Variants in PARP15 observed in about 807,000 individuals in gnomAD.
The protein encoded by PARP15 is protein mono-ADP-ribosyltransferase PARP15.
Under a neutral mutation model 62.1 loss-of-function variants are expected in PARP15, and 50 were observed. That is an observed-to-expected ratio of 0.81 (90% CI 0.64 to 1.02). The LOEUF (loss-of-function observed/expected upper bound fraction) is 1.02, where lower values mean the gene tolerates loss of function less well. Ranked by LOEUF, PARP15 falls within the 50% of genes least tolerant of loss-of-function variation. The probability of loss-of-function intolerance (pLI) is 0.00; values close to 1 mark genes in which losing one functional copy is unlikely to be tolerated. For synonymous variants in PARP15, 309 were observed against 293.1 expected (o/e 1.05, Z -0.55); for missense variants, 820 against 826.5 (o/e 0.99, Z 0.10).
Position 122,636,234 on chromosome 3 carries a change from T to A in PARP15, c.*134T>A. On this transcript the variant is annotated 3_prime_UTR_variant, in exon 12 of 12. Coordinates refer to ENST00000464300, the MANE Select transcript of PARP15 (RefSeq NM_001113523.3). ...GCCAAAATGCTGAAAATTACCTTTT[T>A]AAAGTGCTCTATTGCTGCGATTTGT... 2 of 857,232 alleles carry A rather than the reference T, an allele frequency of 2.3e-6. No individual in the cohort carries two copies. The highest frequency in any genetic ancestry group is 3.5e-6 in the Non-Finnish European group (2 of 569,942). The allele number at this position is 857,232 out of a possible 1,614,324, so 53.1% of individuals were successfully genotyped here.
chr3:122,635,269 G>A, intron 11 of PARP15, 75 bp downstream of exon 11: 1 of 1,385,432 alleles, frequency 7.2e-7, no homozygotes, highest in Non-Finnish European at 9.9e-7. Context: ...CAAGCAGTGT[G>A]GAACCATGGT....
chr3:122,608,534 A>G (rs898903582), intron 2 of PARP15, among the ~76,000 whole-genome samples: 2 of 151,990 alleles, frequency 1.3e-5, no homozygotes, highest in Non-Finnish European at 2.9e-5. Flanking sequence ...GTGCTTTCTT[A>G]AATATTCCAT....
chr3:122,592,211 C>T (rs1427129420), intron 1 of PARP15, among the ~76,000 whole-genome samples: 1 of 152,098 alleles, frequency 6.6e-6, no homozygotes, highest in East Asian at 1.9e-4. Context: ...TGATGATAGA[C>T]TGAATAAAGA....
At position 122,577,677 on chromosome 3, in the gene PARP15, C is replaced by T. The variant is rs1270138645; in HGVS notation, c.10C>T (p.Pro4Ser). ...TCCCAGCGAGCTGAGGATGGCTGCG[C>T]CAGGCCCCCTTCCTGCCGCTGCTCT... is the stretch of plus-strand genomic sequence containing the variant. MAA[P>S]GPLPAAALSP... is the part of the protein sequence containing the mutation. The change falls in exon 1 of 12, where the codon CCA becomes TCA. Residue 4 changes from proline to serine, a missense_variant. Around this residue, in one of 3 missense-constraint regions of PARP15, gnomAD observed 731 missense variants for 727.7 expected, o/e 1.00. Transcript: ENST00000464300. The T allele has an allele frequency of 1.3e-6, 2 of 1,551,498 alleles. No individual in the cohort carries two copies. Among genetic ancestry groups the T allele is most frequent in the Non-Finnish European group, 8.7e-7 (1 of 1,146,932 alleles).
intron 2 of PARP15, among the ~76,000 whole-genome samples, chr3:122,606,922 G>A (rs1909807): frequency 0.077 from 11,742 of 152,208 alleles, 542 homozygotes; most frequent in African/African-American, 0.12. Flanking sequence ...CTTCTGGATT[G>A]TGAGCCACTG....
chr3:122,586,409 T>C (rs747406185), intron 1 of PARP15, among the ~76,000 whole-genome samples: 1 of 151,984 alleles, frequency 6.6e-6, no homozygotes, highest in Admixed American at 6.6e-5. Context: ...GAAGACTTGC[T>C]GTGTTGCCTA....
In PARP15 at chr3:122,577,834, G is replaced by T. The variant is rs1475425911; in HGVS notation, c.167G>T (p.Arg56Leu). The change falls in exon 1 of 12, where the codon CGC (arginine) becomes CTC (leucine). Residue 56 changes from arginine (R) to leucine (L), a missense_variant. Around this residue, in one of 3 missense-constraint regions of PARP15, gnomAD observed 731 missense variants for 727.7 expected, o/e 1.00. Transcript: ENST00000464300. ...CGTGGGGCGCGGAAGGCCTCCCGGCGCTCTTCCTCCCGGAGTATGGTGAGG... is the reference window on the plus strand; with the variant it reads ...CGTGGGGCGCGGAAGGCCTCCCGGCTCTCTTCCTCCCGGAGTATGGTGAGG... The part of the protein sequence containing the change: ...GNRGARKASR[R>L]SSSRSMSRDN... 9 of 1,549,720 alleles carry T rather than the reference G, an allele frequency of 5.8e-6. No individual in the cohort carries two copies. In the Admixed American group the frequency reaches 1.6e-4, roughly 27 times the overall value.
At chr3:122,585,262 G>A (rs1456945852) in intron 1 of PARP15, among the ~76,000 whole-genome samples, 4 of 152,160 alleles carry the variant, frequency 2.6e-5, no homozygotes, top group East Asian at 1.9e-4. Context: ...TGGGAGGATC[G>A]CTTGAGCCCA....
intron 1 of PARP15, among the ~76,000 whole-genome samples, chr3:122,591,316 A>G (rs1933888520): frequency 6.6e-6 from 1 of 152,258 alleles, no homozygotes; most frequent in Non-Finnish European, 1.5e-5. Context: ...GAGATCCTTT[A>G]CAAGTCTCTC....
In PARP15 at chr3:122,615,839, A is replaced by G. The variant is rs755512508; in HGVS notation, c.832A>G (p.Met278Val). ...RINPNKARIP[M>V]AGDTQGVVGT... The stretch of plus-strand genomic sequence containing the variant: ...AAATCCCAACAAGGCCAGGATTCCC[A>G]TGGCAGGAGATACCCAAGGTCTGGT... The change falls in exon 5 of 12, where the codon ATG (methionine) becomes GTG (valine). Residue 278 changes from methionine (M) to valine (V), a missense_variant. By Grantham distance (21) the Met-to-Val change is conservative (BLOSUM62 1). Transcript: ENST00000464300. 4 of 1,612,872 alleles carry G rather than the reference A, an allele frequency of 2.5e-6. No individual in the cohort carries two copies. Among genetic ancestry groups the G allele is most frequent in the South Asian group, 1.1e-5 (1 of 90,824 alleles).
intron 1 of PARP15, 84 bp downstream of exon 1, chr3:122,577,937 C>A: frequency 7.2e-7 from 1 of 1,386,542 alleles, no homozygotes. Flanking sequence ...CGAGCGGGCG[C>A]AGAGACCCCA....
In PARP15 at chr3:122,632,545, C is replaced by T. The variant is rs78302957; in HGVS notation, c.1572+326C>T. Among the ~76,000 whole-genome samples, 1,060 of 152,314 alleles carry T rather than the reference C, an allele frequency of 7.0e-3. 12 individuals are homozygous for T. Among genetic ancestry groups the T allele is most frequent in the Non-Finnish European group, 0.012 (829 of 68,030 alleles). On this transcript the variant is annotated intron_variant, in intron 10 of 11. Transcript: ENST00000464300. ...TGGGCTTTGGAGAAGTCTGATCCAG[C>T]GGCTTGATGGTGTCCTGGATCCAGT...
rs1290959712 is a variant in PARP15, at chr3:122,577,767, G to A, written c.100G>A (p.Gly34Arg). The A allele has an allele frequency of 1.9e-6, 3 of 1,551,648 alleles. No homozygotes were observed. The highest frequency in any genetic ancestry group is 1.4e-5 in the African/African-American group (1 of 73,158). ...HGVAGVTSRA[G>R]RDREAGSVLP... ...AGTTGCAGGTGTTACTTCCAGAGCC[G>A]GACGAGATCGGGAGGCGGGGAGCGT... Residue 34 changes from glycine (G) to arginine (R), a missense_variant, in exon 1 of 12, where the codon GGA (glycine) becomes AGA (arginine). This residue lies in a region of PARP15 where 731 missense variants were observed against 727.7 expected (regional missense o/e 1.00). Transcript: ENST00000464300.
chr3:122,625,237 G>A (rs1007370949), intron 8 of PARP15, among the ~76,000 whole-genome samples: 4 of 145,458 alleles, frequency 2.7e-5, no homozygotes, highest in Admixed American at 7.1e-5. Context: ...TGTTGTTGTT[G>A]TTGTTCTTTG....
chr3:122,623,103 C>A (rs1035299288), intron 8 of PARP15, among the ~76,000 whole-genome samples: 1 of 152,154 alleles, frequency 6.6e-6, no homozygotes, highest in Non-Finnish European at 1.5e-5. Context: ...CTTTTGCTAT[C>A]GGCGGTAATG....
intron 11 of PARP15, among the ~76,000 whole-genome samples, chr3:122,635,607 C>T (rs1462908752): frequency 6.6e-6 from 1 of 151,914 alleles, no homozygotes; most frequent in Non-Finnish European, 1.5e-5. Flanking sequence ...GAGAAGGGGT[C>T]TCATAATGCT....
intron 1 of PARP15, among the ~76,000 whole-genome samples, chr3:122,579,186 T>C (rs1040448630): frequency 2.0e-5 from 3 of 152,202 alleles, no homozygotes; most frequent in African/African-American, 7.2e-5. Flanking sequence ...CTTTTCATTG[T>C]TTAAGTCTAT....
rs764433751 is a variant in PARP15, at chr3:122,635,051, A to G, written c.1604A>G (p.Gln535Arg). The part of the protein sequence containing the change: ...IERIQNAFLW[Q>R]SYQVKKRQMD... ...AGGATACAGAATGCATTTCTCTGGC[A>G]GAGCTACCAGGTAAAGAAAAGGCAA... The change falls in exon 11 of 12, where the codon CAG becomes CGG. Residue 535 changes from glutamine (Q) to arginine (R), a missense_variant. Gln to Arg is a conservative substitution (Grantham distance 43, BLOSUM62 1). Around this residue, in one of 3 missense-constraint regions of PARP15, gnomAD observed 731 missense variants for 727.7 expected, o/e 1.00. Coordinates refer to ENST00000464300, the MANE Select transcript of PARP15 (RefSeq NM_001113523.3). 57 of 1,613,888 alleles carry G rather than the reference A, an allele frequency of 3.5e-5. No homozygotes were observed. Among genetic ancestry groups the G allele is most frequent in the Non-Finnish European group, 3.9e-5 (46 of 1,179,964 alleles).
chr3:122,580,058 CAG>C (rs2080772833), intron 1 of PARP15, among the ~76,000 whole-genome samples: 1 of 147,824 alleles, frequency 6.8e-6, no homozygotes, highest in African/African-American at 2.5e-5. Flanking sequence ...CACACACACA[CAG>C]AGACATTTGT....
Sources: allele counts gnomAD v4.1 joint callset (sites outside exome capture counted in the v4.1 genomes callset), GRCh38; gene constraint gnomAD v4.1.1; regional missense constraint gnomAD v4.1.1; transcripts MANE v1.5; gene names NCBI Gene and HGNC (gene_info 2026-07-23, HGNC 2026-07-21).